Variants in GPR158 observed in about 807,000 individuals in gnomAD.
GPR158 encodes G protein-coupled receptor 158, also known as metabotropic glycine receptor.
In GPR158, 30 loss-of-function variants were observed where a neutral mutation model predicts 78.2. The observed-to-expected ratio is 0.38, with a 90% CI of 0.29 to 0.52. The LOEUF is 0.52. GPR158 is among the 20% of genes least tolerant of loss of function. The pLI is 0.83. For synonymous variants in GPR158, 581 were observed against 591.1 expected (o/e 0.98, Z 0.25); for missense variants, 1,463 against 1,523.5 (o/e 0.96, Z 0.66).
intron 4 of GPR158, among the ~76,000 whole-genome samples, chr10:25,420,538 C>G (rs1326957867): frequency 6.6e-6 from 1 of 152,104 alleles, no homozygotes; most frequent in Admixed American, 6.6e-5. Flanking sequence ...AATGATAGCC[C>G]AATCTGAAGT....
chr10:25,361,012 T>C (rs918721559), intron 2 of GPR158, among the ~76,000 whole-genome samples: 12 of 151,854 alleles, frequency 7.9e-5, no homozygotes, highest in African/African-American at 2.9e-4. Context: ...ATTCACATTG[T>C]TGTGAAACAG....
At chr10:25,429,559 T>G (rs543831340) in intron 4 of GPR158, among the ~76,000 whole-genome samples, 53 of 152,216 alleles carry the variant, frequency 3.5e-4, no homozygotes, top group Middle Eastern at 3.4e-3. Flanking sequence ...ATGCCTACGT[T>G]CTCTGGTCAC....
At chr10:25,526,035 G>A (rs1836342252) in intron 5 of GPR158, among the ~76,000 whole-genome samples, 1 of 149,344 alleles carries the variant, frequency 6.7e-6, no homozygotes, top group Non-Finnish European at 1.5e-5. Context: ...GAACCTGGGA[G>A]GCAGAGGTTG....
chr10:25,564,936 A>G (rs1836908982), intron 6 of GPR158, among the ~76,000 whole-genome samples: 1 of 152,114 alleles, frequency 6.6e-6, no homozygotes, highest in African/African-American at 2.4e-5. Context: ...TAAATTGCCT[A>G]TTCATTTGTA....
intron 1 of GPR158, among the ~76,000 whole-genome samples, chr10:25,194,005 G>C (rs1852811480): frequency 6.6e-6 from 1 of 152,184 alleles, no homozygotes; most frequent in Non-Finnish European, 1.5e-5. Flanking sequence ...GCAGTAGCAG[G>C]ATAAGGGAAG....
chr10:25,378,262 G>T (rs186066593), intron 2 of GPR158, among the ~76,000 whole-genome samples: 1 of 152,182 alleles, frequency 6.6e-6, no homozygotes, highest in African/African-American at 2.4e-5. Flanking sequence ...CAACTATTCT[G>T]ATTTCTAAGA....
At chr10:25,584,675 T>C (rs1013600070) in intron 7 of GPR158, among the ~76,000 whole-genome samples, 2 of 152,232 alleles carry the variant, frequency 1.3e-5, no homozygotes, top group African/African-American at 2.4e-5. Flanking sequence ...ATAATACTTA[T>C]GCATTCACCA....
At chr10:25,500,223 T>C (rs1835934442) in intron 5 of GPR158, among the ~76,000 whole-genome samples, 1 of 152,194 alleles carries the variant, frequency 6.6e-6, no homozygotes, top group African/African-American at 2.4e-5. Context: ...AATTTGAGCT[T>C]GTAGTTTCTG....
intron 4 of GPR158, among the ~76,000 whole-genome samples, chr10:25,430,595 T>C (rs1834888160): frequency 6.6e-6 from 1 of 151,228 alleles, no homozygotes; most frequent in African/African-American, 2.4e-5. Flanking sequence ...GGCATCATGC[T>C]ACCTAACTTC....
intron 7 of GPR158, among the ~76,000 whole-genome samples, chr10:25,576,522 A>G (rs1217311111): frequency 1.3e-5 from 2 of 152,126 alleles, no homozygotes; most frequent in South Asian, 2.1e-4. Flanking sequence ...CATTTTTAAA[A>G]GACATTAATT....
At chr10:25,573,186 A>T (rs926459928) in intron 7 of GPR158, among the ~76,000 whole-genome samples, 13 of 152,234 alleles carry the variant, frequency 8.5e-5, no homozygotes, top group Non-Finnish European at 1.5e-5. Flanking sequence ...TCTCATTCTT[A>T]TCAATTGCTC....
At chr10:25,262,993 TGG>T (rs1353492938) in intron 2 of GPR158, among the ~76,000 whole-genome samples, 1 of 152,200 alleles carries the variant, frequency 6.6e-6, no homozygotes, top group Non-Finnish European at 1.5e-5. Context: ...TCCCAGTGTG[TGG>T]CTTCTCTTTT....
intron 4 of GPR158, among the ~76,000 whole-genome samples, chr10:25,438,633 A>G (rs994843981): frequency 1.3e-5 from 2 of 152,248 alleles, no homozygotes; most frequent in African/African-American, 4.8e-5. Context: ...CTGAGGTCAT[A>G]CTGCAAACCA....
intron 5 of GPR158, among the ~76,000 whole-genome samples, chr10:25,482,317 G>A (rs1392230917): frequency 1.3e-5 from 2 of 151,960 alleles, no homozygotes; most frequent in Non-Finnish European, 2.9e-5. Flanking sequence ...TTAAGTAGCT[G>A]GAACAATAGG....
intron 2 of GPR158, among the ~76,000 whole-genome samples, chr10:25,336,402 G>A (rs996814738): frequency 2.0e-5 from 3 of 151,914 alleles, no homozygotes; most frequent in Admixed American, 2.0e-4. Flanking sequence ...GGTGTTTTTG[G>A]TTGCCTCTCT....
In GPR158 at chr10:25,194,265, C is replaced by G. The variant is rs562865009; in HGVS notation, c.902+17943C>G. On this transcript the variant is annotated intron_variant, in intron 1 of 10. Transcript: ENST00000376351. Reference sequence around the variant, plus strand: ...TAAGATTGGAAGAGCCAGGCTGGGCCCAGTGGCTCATGCCTGTAATCACAG... The same window carrying G: ...TAAGATTGGAAGAGCCAGGCTGGGCGCAGTGGCTCATGCCTGTAATCACAG... Among the ~76,000 whole-genome samples, 25 of 152,182 alleles carry G rather than the reference C, an allele frequency of 1.6e-4. No individual in the cohort carries two copies. In the South Asian group the frequency reaches 5.2e-3, roughly 32 times the overall value.
chr10:25,550,950 G>A (rs2130712346), intron 5 of GPR158, 26 bp from the exon 6 acceptor site: 1 of 1,165,288 alleles, frequency 8.6e-7, no homozygotes, highest in Non-Finnish European at 1.3e-6. Flanking sequence ...TGATCCTGAA[G>A]GTCTCTTTCT....
chr10:25,324,860 A>T, intron 2 of GPR158, among the ~76,000 whole-genome samples: 1 of 131,512 alleles, frequency 7.6e-6, no homozygotes, highest in South Asian at 2.3e-4. Flanking sequence ...AGACATTGAG[A>T]CAAGGTGTTG....
intron 5 of GPR158, among the ~76,000 whole-genome samples, chr10:25,484,804 CTCA>C (rs1264903806): frequency 9.2e-5 from 14 of 152,242 alleles, no homozygotes; most frequent in Middle Eastern, 3.4e-3. Flanking sequence ...AAAAATGCTT[CTCA>C]AATTTTCCCA....
Sources: gnomAD v4.1 joint callset for allele counts (sites outside exome capture counted in the v4.1 genomes callset) on GRCh38, gnomAD v4.1.1 for gene constraint, MANE v1.5 for transcripts, NCBI Gene and HGNC (gene_info 2026-07-23, HGNC 2026-07-21) for gene names.